RMND1: variants seen among roughly 807,000 people sequenced by gnomAD.
The protein encoded by RMND1 is required for meiotic nuclear division protein 1 homolog.
A neutral mutation model predicts 54.0 loss-of-function variants in RMND1; 41 were observed. That is an observed-to-expected ratio of 0.76 (90% CI 0.59 to 0.98). RMND1 has a LOEUF of 0.98. Ranked by LOEUF, RMND1 falls within the 50% of genes least tolerant of loss-of-function variation. The pLI is 0.00. For missense variants in RMND1, 457 were observed against 532.0 expected, an observed-to-expected ratio of 0.86 and a Z score of 1.39; for synonymous variants, 183 against 181.7, an observed-to-expected ratio of 1.01 and a Z score of -0.06.
intron 4 of RMND1, among the ~76,000 whole-genome samples, chr6:151,432,478 T>G (rs1475663752): frequency 6.6e-6 from 1 of 152,144 alleles, no homozygotes; most frequent in Non-Finnish European, 1.5e-5. Flanking sequence ...TTCCTACAGA[T>G]GGTCCATGTG....
intron 5 of RMND1, among the ~76,000 whole-genome samples, chr6:151,429,782 G>T (rs1057102150): frequency 1.3e-5 from 2 of 152,174 alleles, no homozygotes; most frequent in African/African-American, 4.8e-5. Context: ...CCCATGAGTA[G>T]TAAGTTCTAG....
At position 151,445,399 on chromosome 6, in the gene RMND1, T is replaced by A; in HGVS notation, c.413A>T (p.Lys138Ile). The A allele has an allele frequency of 6.2e-7, 1 of 1,614,048 alleles. No individual in the cohort carries two copies. The highest frequency in any genetic ancestry group is 8.5e-7 in the Non-Finnish European group (1 of 1,179,894). Residue 138 changes from lysine (K) to isoleucine (I), a missense_variant, in exon 2 of 12, where the codon AAA becomes ATA. Physicochemically the swap from Lys to Ile is moderately radical, Grantham distance 102 (BLOSUM62 -3). Transcript: ENST00000444024. ...TCTCTTCACCTGTGGGAAGTCTTGT[T>A]TTGGAACAAATGTTTCCGTTGATAC... The part of the protein sequence containing the change: ...SSVSTETFVP[K>I]QDFPQVKRPL...
chr6:151,445,582 G>A lies in RMND1; in HGVS notation c.230C>T (p.Thr77Ile). 1 of 1,614,164 alleles carries A rather than the reference G, an allele frequency of 6.2e-7. No individual in the cohort carries two copies. The highest frequency in any genetic ancestry group is 8.5e-7 in the Non-Finnish European group (1 of 1,180,038). The change falls in exon 2 of 12, where the codon ACC becomes ATC. Residue 77 changes from threonine (T) to isoleucine (I), a missense_variant. Thr to Ile is a moderately conservative substitution (Grantham distance 89). Coordinates refer to ENST00000444024, the MANE Select transcript of RMND1 (RefSeq NM_017909.4). ...AGCATTTAATGGAGACAGCATGCTG[G>A]TATCTGACTTTTTTTGGTTCATTTC... ...ILEMNQKKSD[T>I]SMLSPLNAAR...
intron 10 of RMND1, chr6:151,414,030 A>G (rs1352271446): frequency 2.0e-5 from 3 of 152,186 alleles, no homozygotes; most frequent in African/African-American, 7.2e-5. Flanking sequence ...ATAGCATTCA[A>G]TAAGCCATGG....
At chr6:151,410,679 A>G (rs1779802229) in intron 10 of RMND1, among the ~76,000 whole-genome samples, 1 of 152,212 alleles carries the variant, frequency 6.6e-6, no homozygotes, top group Non-Finnish European at 1.5e-5. Context: ...ACTCCAATTG[A>G]TTAATTAATA....
intron 4 of RMND1, among the ~76,000 whole-genome samples, chr6:151,430,432 T>C (rs527823395): frequency 6.6e-6 from 1 of 152,330 alleles, no homozygotes; most frequent in South Asian, 2.1e-4. Flanking sequence ...GCCATTATTG[T>C]AATACTATAT....
chr6:151,450,416 CCCGCCCGGCCAG>C (rs1781116818), intron 1 of RMND1, among the ~76,000 whole-genome samples: 1 of 124,532 alleles, frequency 8.0e-6, no homozygotes, highest in Admixed American at 9.2e-5. Context: ...GGGTCAGCCC[CCCGCCCGGCCAG>C]CCACCCCGTC....
intron 1 of RMND1, among the ~76,000 whole-genome samples, chr6:151,449,405 C>G (rs934229814): frequency 6.6e-6 from 1 of 151,604 alleles, no homozygotes; most frequent in African/African-American, 2.4e-5. Context: ...CTCAGAATGG[C>G]CTGCATGGCA....
intron 2 of RMND1, among the ~76,000 whole-genome samples, chr6:151,443,210 CA>C (rs1780835904): frequency 6.6e-6 from 1 of 152,136 alleles, no homozygotes; most frequent in Non-Finnish European, 1.5e-5. Context: ...GTCCTGGGGA[CA>C]TATTACCTAG....
At chr6:151,405,987 CAG>C (rs1779607515) in intron 10 of RMND1, 151 bp from the exon 11 acceptor site, 6 of 484,136 alleles carry the variant, frequency 1.2e-5, no homozygotes, top group Admixed American at 3.7e-5. Flanking sequence ...TGAATCCGTC[CAG>C]AGACATTTTG....
rs1781223952 is a variant in RMND1 at position 151,452,097 on chromosome 6, C to G, written c.-96G>C. On this transcript the variant is annotated 5_prime_UTR_variant, in exon 1 of 12. Transcript: ENST00000444024. ...TGCAGGGAAAGAGCCGCACCCCCAG[C>G]CTCTCACTACTGCAGCCAACCCATC... 5.7e-6 allele frequency: 1 copy of G among 175,358 alleles called. No homozygotes were observed. The highest frequency in any genetic ancestry group is 1.8e-4 in the East Asian group (1 of 5,532). The allele number at this position is 175,358 out of a possible 1,614,324, so 10.9% of individuals were successfully genotyped here. A position where few individuals can be genotyped will look rare whatever the true frequency, so the allele number is the denominator to read the frequency against.
chr6:151,406,293 C>T (rs1334667905), intron 10 of RMND1, among the ~76,000 whole-genome samples: 2 of 152,176 alleles, frequency 1.3e-5, no homozygotes, highest in African/African-American at 2.4e-5. Context: ...TCCAAACAAG[C>T]TGGCTGTGGG....
intron 4 of RMND1, among the ~76,000 whole-genome samples, chr6:151,431,230 T>C (rs561379024): frequency 9.9e-4 from 151 of 152,148 alleles, no homozygotes; most frequent in African/African-American, 3.5e-3. Flanking sequence ...AGCCAGTAGC[T>C]GCGTGGCTGC....
chr6:151,415,599 C>G (rs1225222392), intron 10 of RMND1, among the ~76,000 whole-genome samples: 1 of 151,768 alleles, frequency 6.6e-6, no homozygotes, highest in Non-Finnish European at 1.5e-5. Flanking sequence ...ACCATCCTGG[C>G]TAAACACAGT....
chr6:151,406,597 G>A (rs1779630227), intron 10 of RMND1, among the ~76,000 whole-genome samples: 1 of 152,056 alleles, frequency 6.6e-6, no homozygotes, highest in Non-Finnish European at 1.5e-5. Context: ...TGATCCGCCC[G>A]CCTCGGCCTC....
At chr6:151,410,280 C>T (rs573948154) in intron 10 of RMND1, among the ~76,000 whole-genome samples, 2 of 152,206 alleles carry the variant, frequency 1.3e-5, no homozygotes, top group South Asian at 2.1e-4. Flanking sequence ...TGGTCTGGAT[C>T]TCCTGACCTT....
At chr6:151,424,729 A>T (rs755973740) in intron 6 of RMND1, among the ~76,000 whole-genome samples, 1 of 151,968 alleles carries the variant, frequency 6.6e-6, no homozygotes, top group Non-Finnish European at 1.5e-5. Context: ...AAAAATGAGT[A>T]TGTGACTGTG....
chr6:151,417,177 G>T, intron 10 of RMND1, 102 bp downstream of exon 10: 1 of 1,285,480 alleles, frequency 7.8e-7, no homozygotes, highest in South Asian at 1.5e-5. Context: ...AAAGAGATTT[G>T]AATGGAAGTC....
At chr6:151,440,324 G>T (rs1485798642) in intron 2 of RMND1, among the ~76,000 whole-genome samples, 2 of 152,162 alleles carry the variant, frequency 1.3e-5, no homozygotes, top group Admixed American at 6.5e-5. Flanking sequence ...AAAATAAAAG[G>T]CTCAATATAT....
Sources: gnomAD v4.1 joint callset for allele counts (sites outside exome capture counted in the v4.1 genomes callset) on GRCh38, gnomAD v4.1.1 for gene constraint, MANE v1.5 for transcripts, NCBI Gene and HGNC (gene_info 2026-07-23, HGNC 2026-07-21) for gene names.